The following MRTFA variants were observed in gnomAD, a reference collection of about 807,000 sequenced individuals.
MRTFA encodes myocardin-related transcription factor A.
In MRTFA, 20 loss-of-function variants were observed where a neutral mutation model predicts 83.5. The observed-to-expected ratio is 0.24, with a 90% CI of 0.17 to 0.35. MRTFA has a LOEUF of 0.35. Ranked by LOEUF, MRTFA falls within the 10% of genes least tolerant of loss-of-function variation. The probability of loss-of-function intolerance (pLI) is 1.00; values close to 1 mark genes in which losing one functional copy is unlikely to be tolerated. For missense variants in MRTFA, 1,200 were observed against 1,224.7 expected (o/e 0.98, Z 0.30); for synonymous variants, 659 against 541.2 (o/e 1.22, Z -3.02).
intron 2 of MRTFA, among the ~76,000 whole-genome samples, chr22:40,580,294 G>A (rs1163088988): frequency 2.0e-5 from 3 of 151,974 alleles, no homozygotes; most frequent in Admixed American, 2.0e-4. Flanking sequence ...AAACTCCTGG[G>A]CTCAAGCATT....
intron 1 of MRTFA, among the ~76,000 whole-genome samples, chr22:40,603,223 C>T (rs1231983521): frequency 6.6e-6 from 1 of 152,214 alleles, no homozygotes; most frequent in Non-Finnish European, 1.5e-5. Flanking sequence ...TTCAGCTCTT[C>T]ATTTTACTGC....
chr22:40,496,385 C>T (rs200130202), intron 3 of MRTFA, among the ~76,000 whole-genome samples: 1,376 of 135,826 alleles, frequency 0.01, no homozygotes, highest in East Asian at 0.029. Flanking sequence ...AGTAGAAGCA[C>T]AGTCACCAAT....
At chr22:40,438,476 A>G (rs1008227155) in intron 4 of MRTFA, among the ~76,000 whole-genome samples, 11 of 152,238 alleles carry the variant, frequency 7.2e-5, no homozygotes, top group African/African-American at 2.7e-4. Context: ...CCCAACTTCT[A>G]GAAGAACAAT....
intron 2 of MRTFA, among the ~76,000 whole-genome samples, chr22:40,577,078 C>G (rs2055877751): frequency 6.6e-6 from 1 of 151,726 alleles, no homozygotes; most frequent in African/African-American, 2.4e-5. Flanking sequence ...TAAAAATTAG[C>G]CAGGCATTGT....
chr22:40,577,976 C>T (rs1569337153), intron 2 of MRTFA, among the ~76,000 whole-genome samples: 1 of 151,302 alleles, frequency 6.6e-6, no homozygotes, highest in Non-Finnish European at 1.5e-5. Context: ...TCCCCCGAGA[C>T]AGAGTCTTGC....
In MRTFA at chr22:40,588,038, T is replaced by C. The variant is rs1209983870; in HGVS notation, c.-22+6636A>G. 3.9e-5 allele frequency: 7 copies of C among 180,238 alleles called. No individual in the cohort carries two copies. In the Admixed American group the frequency reaches 4.3e-4, roughly 11 times the overall value. 11.2% of individuals were successfully genotyped at this position (180,238 alleles called of 1,614,324 possible). ...GGCCACACTCCAACATTTTTTTTTT[T>C]TTTTTTTGGAGACAGAGTCTCGCTC... On this transcript the variant is annotated intron_variant, in intron 2 of 14. Coordinates refer to ENST00000355630, the MANE Select transcript of MRTFA (RefSeq NM_020831.6).
At chr22:40,631,542 G>C (rs1271708907) in intron 1 of MRTFA, among the ~76,000 whole-genome samples, 1 of 151,930 alleles carries the variant, frequency 6.6e-6, no homozygotes, top group Non-Finnish European at 1.5e-5. Context: ...GATCTATGCA[G>C]TATGACTCTA....
chr22:40,572,594 G>C (rs1284394172), intron 2 of MRTFA, among the ~76,000 whole-genome samples: 1 of 152,036 alleles, frequency 6.6e-6, no homozygotes, highest in Admixed American at 6.6e-5. Context: ...AGTTACACTT[G>C]CGTATTACTC....
chr22:40,499,604 T>A (rs1048993324), intron 3 of MRTFA, among the ~76,000 whole-genome samples: 9 of 152,084 alleles, frequency 5.9e-5, no homozygotes, highest in South Asian at 4.2e-4. Flanking sequence ...GAAAAAAAAA[T>A]TTTTAACCAA....
At chr22:40,582,052 C>G (rs1038951581) in intron 2 of MRTFA, among the ~76,000 whole-genome samples, 2 of 152,200 alleles carry the variant, frequency 1.3e-5, no homozygotes, top group African/African-American at 4.8e-5. Context: ...AACCCCATTC[C>G]TATTAAGTGG....
chr22:40,588,643 G>GT (rs1219982795), intron 2 of MRTFA, among the ~76,000 whole-genome samples: 2 of 152,296 alleles, frequency 1.3e-5, no homozygotes, highest in South Asian at 2.1e-4. Flanking sequence ...ATGTAACATA[G>GT]TAACAGTGCC....
chr22:40,631,541 A>G (rs2056642037), intron 1 of MRTFA, among the ~76,000 whole-genome samples: 1 of 152,076 alleles, frequency 6.6e-6, no homozygotes. Flanking sequence ...CGATCTATGC[A>G]GTATGACTCT....
At chr22:40,468,677 T>C (rs972666465) in intron 3 of MRTFA, among the ~76,000 whole-genome samples, 1 of 152,230 alleles carries the variant, frequency 6.6e-6, no homozygotes, top group Non-Finnish European at 1.5e-5. Flanking sequence ...GTAAAGGAAA[T>C]GCCCCTGGAC....
intron 12 of MRTFA, 33 bp downstream of exon 12, chr22:40,418,341 G>A (rs1251636117): frequency 6.2e-7 from 1 of 1,605,210 alleles, no homozygotes; most frequent in Non-Finnish European, 8.5e-7. Flanking sequence ...ACCCTCCTCT[G>A]GGCCCTGCCC....
At chr22:40,463,313 G>A in intron 3 of MRTFA, 27 bp from the exon 4 acceptor site, 1 of 1,601,558 alleles carries the variant, frequency 6.2e-7, no homozygotes, top group Middle Eastern at 1.7e-4. Context: ...AGAGAGGAGA[G>A]ATGAGGGGTC....
intron 1 of MRTFA, among the ~76,000 whole-genome samples, chr22:40,601,439 C>T (rs2056257568): frequency 1.3e-5 from 2 of 152,106 alleles, no homozygotes; most frequent in African/African-American, 4.8e-5. Context: ...AAACTCCTAG[C>T]TTCAAGCGAT....
intron 3 of MRTFA, among the ~76,000 whole-genome samples, chr22:40,528,065 C>G (rs1465067417): frequency 1.3e-5 from 2 of 152,160 alleles, no homozygotes; most frequent in African/African-American, 4.8e-5. Flanking sequence ...AGCTGTCTGT[C>G]TACCTACCTG....
rs750417859 is a variant in MRTFA at position 40,431,486 on chromosome 22, G to GA, written c.364-7dup. 14 of 1,613,574 alleles carry GA rather than the reference G, an allele frequency of 8.7e-6. No individual in the cohort carries two copies. In the South Asian group the frequency reaches 9.9e-5, roughly 11 times the overall value. Reference sequence around the variant, plus strand: ...CGTTTGAGATAGTCCTCTGTCTACAGAAAAAACACACCAAGAAACTCTCAA... The same window carrying GA: ...CGTTTGAGATAGTCCTCTGTCTACAGAAAAAAACACACCAAGAAACTCTCAA... On this transcript the variant is annotated splice_region_variant and splice_polypyrimidine_tract_variant and intron_variant, in intron 5 of 14. Transcript: ENST00000355630.
At chr22:40,519,441 G>C in intron 3 of MRTFA, 1 of 1,334,100 alleles carries the variant, frequency 7.5e-7, no homozygotes, top group Non-Finnish European at 9.9e-7. Context: ...AGATGAAGGC[G>C]ATGTTGTTTT....
Sources: allele counts gnomAD v4.1 joint callset (sites outside exome capture counted in the v4.1 genomes callset), GRCh38; gene constraint gnomAD v4.1.1; transcripts MANE v1.5; gene names NCBI Gene and HGNC (gene_info 2026-07-23, HGNC 2026-07-21).